The following EMILIN2 variants were observed in gnomAD, a reference collection of about 807,000 sequenced individuals.
EMILIN2 encodes the protein EMILIN-2.
A neutral mutation model predicts 87.1 loss-of-function variants in EMILIN2; 71 were observed. The ratio of observed to expected loss-of-function variants is 0.82; its 90% CI spans 0.67 to 0.99. EMILIN2 has a LOEUF of 0.99. Ranked by LOEUF, EMILIN2 falls within the 50% of genes least tolerant of loss-of-function variation. The pLI, the probability that EMILIN2 is intolerant of heterozygous loss-of-function variation, is 0.00. For synonymous variants in EMILIN2, 581 were observed against 563.4 expected (o/e 1.03, Z -0.44); for missense variants, 1,407 against 1,371.8 (o/e 1.03, Z -0.40).
chr18:2,877,138 C>T (rs1174904514), intron 2 of EMILIN2, among the ~76,000 whole-genome samples: 1 of 152,166 alleles, frequency 6.6e-6, no homozygotes, highest in Non-Finnish European at 1.5e-5. Context: ...GAAGGGATCT[C>T]CGGGGTCAGA....
At chr18:2,912,928 A>T in intron 7 of EMILIN2, 139 bp from the exon 8 acceptor site, 1 of 860,334 alleles carries the variant, frequency 1.2e-6, no homozygotes, top group Non-Finnish European at 1.8e-6. Context: ...AAAGCAGCTG[A>T]GGCAGGCAGC....
At chr18:2,874,726 T>C (rs910847944) in intron 2 of EMILIN2, among the ~76,000 whole-genome samples, 5 of 152,250 alleles carry the variant, frequency 3.3e-5, no homozygotes, top group African/African-American at 1.2e-4. Flanking sequence ...CATATGGTCA[T>C]AAATTAGAAC....
intron 2 of EMILIN2, among the ~76,000 whole-genome samples, chr18:2,855,023 C>G (rs1175820870): frequency 6.6e-6 from 1 of 152,198 alleles, no homozygotes; most frequent in South Asian, 2.1e-4. Context: ...TCCTTGGCAT[C>G]GGAGGTAACT....
intron 2 of EMILIN2, among the ~76,000 whole-genome samples, chr18:2,870,023 T>A (rs2076711843): frequency 6.6e-6 from 1 of 152,018 alleles, no homozygotes; most frequent in Non-Finnish European, 1.5e-5. Context: ...GGTGGATCAC[T>A]TGGGCTCAGG....
At chr18:2,882,348 C>A (rs2076781015) in intron 2 of EMILIN2, among the ~76,000 whole-genome samples, 1 of 152,184 alleles carries the variant, frequency 6.6e-6, no homozygotes. Context: ...CTGGCTGCCA[C>A]CCCAGACCCC....
chr18:2,910,888 C>T (rs971543502), intron 7 of EMILIN2, among the ~76,000 whole-genome samples: 2 of 152,192 alleles, frequency 1.3e-5, no homozygotes, highest in African/African-American at 4.8e-5. Context: ...TAAGCTGGAG[C>T]TTGGCATCTA....
chr18:2,913,455 A>T lies in EMILIN2; in HGVS notation c.*51A>T. Reference sequence around the variant, plus strand: ...AGATAGATAGTTGTAAAAACTCTAAAGCTTTAATATATTCGGTTTGTATGT... The same window carrying T: ...AGATAGATAGTTGTAAAAACTCTAATGCTTTAATATATTCGGTTTGTATGT... On this transcript the variant is annotated 3_prime_UTR_variant, in exon 8 of 8. Coordinates refer to ENST00000254528, the MANE Select transcript of EMILIN2 (RefSeq NM_032048.3). The T allele has an allele frequency of 7.0e-7, 1 of 1,421,180 alleles. No homozygotes were observed. The highest frequency in any genetic ancestry group is 9.6e-7 in the Non-Finnish European group (1 of 1,045,776). The allele number at this position is 1,421,180 out of a possible 1,614,324, so 88.0% of individuals were successfully genotyped here. A position where few individuals can be genotyped will look rare whatever the true frequency, so the allele number is the denominator to read the frequency against.
Position 2,889,696 on chromosome 18 carries a change from T to TC in EMILIN2, c.434-865_434-864insC, listed in dbSNP as rs1234996304. ...TTCTTCTTCTTTTTTTCTTTTCTTT[T>TC]TTTTTTTTTTTTTTTTTTAAAGATA... On this transcript the variant is annotated intron_variant, in intron 3 of 7. Coordinates refer to ENST00000254528, the MANE Select transcript of EMILIN2 (RefSeq NM_032048.3). Among the ~76,000 whole-genome samples, 25 of 143,686 alleles carry TC rather than the reference T, an allele frequency of 1.7e-4. No individual in the cohort carries two copies. The South Asian group carries it at 5.0e-3, about 29-fold the overall frequency. The allele number at this position is 143,686 out of a possible 152,430, so 94.3% of individuals were successfully genotyped here.
intron 2 of EMILIN2, among the ~76,000 whole-genome samples, chr18:2,862,296 A>G (rs918710055): frequency 5.3e-5 from 8 of 152,178 alleles, no homozygotes; most frequent in Non-Finnish European, 1.2e-4. Flanking sequence ...GAGAGAGGGC[A>G]TCCCTGTCTT....
chr18:2,863,818 G>T (rs1338947532), intron 2 of EMILIN2, among the ~76,000 whole-genome samples: 3 of 152,036 alleles, frequency 2.0e-5, no homozygotes, highest in African/African-American at 7.3e-5. Flanking sequence ...TTGACAGTGG[G>T]GTGTTAAAGT....
At position 2,865,004 on chromosome 18, in the gene EMILIN2, C is replaced by T. The variant is rs557790051; in HGVS notation, c.257+17073C>T. On this transcript the variant is annotated intron_variant, in intron 2 of 7. Coordinates refer to ENST00000254528, the MANE Select transcript of EMILIN2 (RefSeq NM_032048.3). ...ACTGATACCCTTTCTTCCAGTTGATCGCATCAGCTACTGAGGCTTGTGCAT... is the reference window on the plus strand; with the variant it reads ...ACTGATACCCTTTCTTCCAGTTGATTGCATCAGCTACTGAGGCTTGTGCAT... Among the ~76,000 whole-genome samples the T allele has an allele frequency of 4.6e-5, 7 of 152,134 alleles. No individual in the cohort carries two copies. In the East Asian group the frequency reaches 1.2e-3, roughly 25 times the overall value.
intron 4 of EMILIN2, among the ~76,000 whole-genome samples, chr18:2,903,037 A>G (rs2076894994): frequency 6.6e-6 from 1 of 152,186 alleles, no homozygotes; most frequent in African/African-American, 2.4e-5. Context: ...TGAAGGACAG[A>G]GGAAAATTCT....
At chr18:2,906,654 G>A (rs945053125) in intron 4 of EMILIN2, 129 bp from the exon 5 acceptor site, 2 of 723,648 alleles carry the variant, frequency 2.8e-6, no homozygotes, top group East Asian at 3.7e-5. Flanking sequence ...CTGGCCTGAC[G>A]TCGCAGGGGT....
At chr18:2,855,408 C>G (rs1428504102) in intron 2 of EMILIN2, among the ~76,000 whole-genome samples, 1 of 152,242 alleles carries the variant, frequency 6.6e-6, no homozygotes. Context: ...GCTACACTTT[C>G]TACCTTCGTC....
chr18:2,892,376 C>T lies in EMILIN2; in HGVS notation c.2249C>T (p.Ser750Leu), dbSNP rs769265069. 25 of 1,613,992 alleles carry T rather than the reference C, an allele frequency of 1.5e-5. No homozygotes were observed. The South Asian group carries it at 2.3e-4, about 15-fold the overall frequency. ...CVRQMNGTLR[S>L]HSRDISGLKN... ...AGGCAGATGAACGGAACGCTCAGGT[C>T]GCATTCCAGAGACATTTCTGGCCTG... The change falls in exon 4 of 8, where the codon TCG (serine) becomes TTG (leucine). Residue 750 changes from serine (S) to leucine (L), a missense_variant. Coordinates refer to ENST00000254528, the MANE Select transcript of EMILIN2 (RefSeq NM_032048.3).
At chr18:2,911,612 G>A (rs2076941143) in intron 7 of EMILIN2, among the ~76,000 whole-genome samples, 1 of 152,192 alleles carries the variant, frequency 6.6e-6, no homozygotes, top group African/African-American at 2.4e-5. Context: ...CCTAGTTGGG[G>A]TAGGGGCTCT....
intron 2 of EMILIN2, among the ~76,000 whole-genome samples, chr18:2,861,088 T>C (rs1443452522): frequency 3.5e-5 from 5 of 144,406 alleles, no homozygotes; most frequent in Admixed American, 2.7e-4. Flanking sequence ...GGGTTTTTTG[T>C]TTTTTTTCTT....
intron 4 of EMILIN2, among the ~76,000 whole-genome samples, chr18:2,896,896 C>T (rs959615229): frequency 3.3e-5 from 5 of 151,912 alleles, no homozygotes; most frequent in African/African-American, 1.2e-4. Context: ...CAGCACTTTG[C>T]GAGGCTCAGA....
intron 2 of EMILIN2, among the ~76,000 whole-genome samples, chr18:2,876,675 A>G (rs1287486268): frequency 8.6e-5 from 13 of 150,412 alleles, no homozygotes; most frequent in African/African-American, 2.5e-4. Flanking sequence ...CTGAGGCAGG[A>G]GAATGGCGTG....
Sources: gnomAD v4.1 joint callset for allele counts (sites outside exome capture counted in the v4.1 genomes callset) on GRCh38, gnomAD v4.1.1 for gene constraint, MANE v1.5 for transcripts, NCBI Gene and HGNC (gene_info 2026-07-23, HGNC 2026-07-21) for gene names.